The following COL4A6 variants were observed in gnomAD, a reference collection of about 807,000 sequenced individuals.
The protein encoded by COL4A6 is collagen type IV alpha 6 chain, also known as collagen alpha-6(IV) chain.
A neutral mutation model predicts 126.7 loss-of-function variants in COL4A6; 59 were observed. The observed-to-expected ratio is 0.47, with a 90% confidence interval of 0.38 to 0.58. COL4A6 has a LOEUF of 0.58. Among genes scored for constraint, COL4A6 ranks in the 20% least tolerant of loss-of-function variants. The pLI, the probability that COL4A6 is intolerant of heterozygous loss-of-function variation, is 0.00. For synonymous variants in COL4A6, 547 were observed against 496.6 expected (o/e 1.10, Z -1.35); for missense variants, 1,285 against 1,337.3 (o/e 0.96, Z 0.61).
chrX:108,308,284 A>G (rs1176706741), intron 3 of COL4A6, among the ~76,000 whole-genome samples: 1 of 111,639 alleles, frequency 9.0e-6, no homozygotes, highest in African/African-American at 3.3e-5. Flanking sequence ...CACTGTAGGC[A>G]TGTTTGCCTG....
chrX:108,216,898 G>C (rs906202037), intron 5 of COL4A6, among the ~76,000 whole-genome samples: 8 of 112,601 alleles, frequency 7.1e-5, no homozygotes, highest in African/African-American at 1.9e-4. Context: ...TGACTCCATG[G>C]GGAAAGCTAA....
chrX:108,306,367 GGAGGT>G (rs1483804136), intron 3 of COL4A6, among the ~76,000 whole-genome samples: 9 of 111,721 alleles, frequency 8.1e-5, no homozygotes, highest in Admixed American at 1.9e-4. Flanking sequence ...GGCCACCCAA[GGAGGT>G]GATATAAAAT....
At chrX:108,374,949 A>G (rs1422794056) in intron 2 of COL4A6, among the ~76,000 whole-genome samples, 1 of 111,932 alleles carries the variant, frequency 8.9e-6, no homozygotes, top group Non-Finnish European at 1.9e-5. Flanking sequence ...TTAGAAAAGT[A>G]TTTTCAAGGC....
chrX:108,257,686 C>T (rs1351220927), intron 3 of COL4A6, among the ~76,000 whole-genome samples: 1 of 110,992 alleles, frequency 9.0e-6, no homozygotes, highest in Non-Finnish European at 1.9e-5. Flanking sequence ...GGCTCCCTTC[C>T]TTTTTTTCTC....
At position 108,317,903 on chromosome X, in the gene COL4A6, T is replaced by G. The variant is rs1015387943; in HGVS notation, c.64-7075A>C. On this transcript the variant is annotated intron_variant, in intron 2 of 44. Coordinates refer to ENST00000334504, the MANE Select transcript of COL4A6 (RefSeq NM_033641.4). ...TTCTTTTGGCTTAGGATTGACTTGG[T>G]GATGCGGGCTCTTTTTTGGTTCCAT... is the stretch of plus-strand genomic sequence containing the variant. 7.5e-4 allele frequency among the ~76,000 whole-genome samples: 83 copies of G among 110,667 alleles called. 1 individual carries two copies. The South Asian group carries it at 0.03, about 39-fold the overall frequency.
At chrX:108,253,846 C>T (rs968335115) in intron 3 of COL4A6, among the ~76,000 whole-genome samples, 1 of 111,569 alleles carries the variant, frequency 9.0e-6, no homozygotes, top group African/African-American at 3.3e-5. Flanking sequence ...TTCCTATGGC[C>T]CCCATCTGTC....
At chrX:108,222,015 C>T in intron 3 of COL4A6, among the ~76,000 whole-genome samples, 1 of 112,716 alleles carries the variant, frequency 8.9e-6, no homozygotes, top group East Asian at 2.8e-4. Context: ...CCTCTCCTCT[C>T]CAATCTGTAA....
At chrX:108,228,806 C>G (rs746961522) in intron 3 of COL4A6, among the ~76,000 whole-genome samples, 1 of 112,271 alleles carries the variant, frequency 8.9e-6, no homozygotes, top group South Asian at 3.7e-4. Context: ...GTGGGGATTA[C>G]GGGAACTACA....
chrX:108,394,242 A>G (rs2040910107), intron 2 of COL4A6, among the ~76,000 whole-genome samples: 1 of 109,094 alleles, frequency 9.2e-6, no homozygotes, highest in Non-Finnish European at 1.9e-5. Flanking sequence ...GCATGGACAC[A>G]GGGAGGGGAA....
intron 3 of COL4A6, among the ~76,000 whole-genome samples, chrX:108,298,464 C>T (rs1048452735): frequency 1.8e-5 from 2 of 111,747 alleles, no homozygotes; most frequent in Non-Finnish European, 3.8e-5. Flanking sequence ...GGCCCTCTCC[C>T]TGGGCGGCCT....
At chrX:108,268,313 C>A (rs745360101) in intron 3 of COL4A6, 2 of 112,512 alleles carry the variant, frequency 1.8e-5, no homozygotes, top group Non-Finnish European at 3.8e-5. Flanking sequence ...TGTGCATCAG[C>A]TAATATTAAT....
chrX:108,335,912 C>T (rs1017045697), intron 2 of COL4A6, among the ~76,000 whole-genome samples: 3 of 110,968 alleles, frequency 2.7e-5, no homozygotes, highest in South Asian at 3.8e-4. Flanking sequence ...ATGCATCATG[C>T]CATGTGATCC....
chrX:108,391,976 G>A (rs1208980358), intron 2 of COL4A6, among the ~76,000 whole-genome samples: 3 of 112,061 alleles, frequency 2.7e-5, no homozygotes, highest in Non-Finnish European at 3.8e-5. Flanking sequence ...CAGCTCTCCC[G>A]CCTCAGTTGA....
chrX:108,345,987 C>G (rs993973187), intron 2 of COL4A6, among the ~76,000 whole-genome samples: 2 of 111,275 alleles, frequency 1.8e-5, no homozygotes, highest in African/African-American at 6.5e-5. Flanking sequence ...TTGAGAAACA[C>G]AAGTCTAAAT....
intron 2 of COL4A6, among the ~76,000 whole-genome samples, chrX:108,350,388 A>G (rs1250756394): frequency 9.0e-6 from 1 of 111,260 alleles, no homozygotes; most frequent in Non-Finnish European, 1.9e-5. Flanking sequence ...CAGCATTATC[A>G]TCATCACCTA....
At chrX:108,182,608 G>C (rs1483419154) in intron 23 of COL4A6, among the ~76,000 whole-genome samples, 1 of 112,027 alleles carries the variant, frequency 8.9e-6, no homozygotes, top group Non-Finnish European at 1.9e-5. Context: ...TCACTGGGAG[G>C]GGGTTTTCAA....
chrX:108,369,674 A>G (rs2040279350), intron 2 of COL4A6, among the ~76,000 whole-genome samples: 1 of 112,540 alleles, frequency 8.9e-6, no homozygotes, highest in Non-Finnish European at 1.9e-5. Context: ...TAAGGATTGC[A>G]AATGGTCTGA....
At chrX:108,280,786 C>G (rs2037789344) in intron 3 of COL4A6, among the ~76,000 whole-genome samples, 1 of 111,408 alleles carries the variant, frequency 9.0e-6, no homozygotes, top group South Asian at 3.9e-4. Flanking sequence ...CATCGAAAAG[C>G]TTATCCACCA....
intron 2 of COL4A6, chrX:108,383,782 T>A: frequency 1.9e-6 from 1 of 517,826 alleles, no homozygotes; most frequent in Non-Finnish European, 3.5e-6. Flanking sequence ...GATTGCTTTG[T>A]ATGGAAGTAA....
Sources: allele counts gnomAD v4.1 joint callset (sites outside exome capture counted in the v4.1 genomes callset), GRCh38; gene constraint gnomAD v4.1.1; transcripts MANE v1.5; gene names NCBI Gene and HGNC (gene_info 2026-07-23, HGNC 2026-07-21).